SREK1IP1: variants seen among roughly 807,000 people sequenced by gnomAD.
SREK1IP1 encodes the protein SREK1 interacting protein 1, also known as protein SREK1IP1.
In SREK1IP1, 12 loss-of-function variants were observed where a neutral mutation model predicts 22.8. The observed-to-expected ratio is 0.53, with a 90% confidence interval of 0.34 to 0.85. SREK1IP1 has a LOEUF of 0.85. SREK1IP1 is among the 40% of genes least tolerant of loss of function. The probability of loss-of-function intolerance (pLI) is 0.02; values close to 1 mark genes in which losing one functional copy is unlikely to be tolerated. For synonymous variants in SREK1IP1, 53 were observed against 52.7 expected, an observed-to-expected ratio of 1.01 and a Z score of -0.02; for missense variants, 147 against 171.8, an observed-to-expected ratio of 0.86 and a Z score of 0.81.
At chr5:64,759,552 C>T (rs1305757084) in intron 1 of SREK1IP1, among the ~76,000 whole-genome samples, 1 of 152,106 alleles carries the variant, frequency 6.6e-6, no homozygotes, top group South Asian at 2.1e-4. Flanking sequence ...GCAAAAACCA[C>T]CAAAAGCAAA....
rs146837698 is a variant in SREK1IP1 at position 64,759,602 on chromosome 5, G to T, written c.14-5240C>A. 9.3e-4 allele frequency among the ~76,000 whole-genome samples: 142 copies of T among 152,110 alleles called. 2 individuals carry two copies. The East Asian group carries it at 0.026, about 28-fold the overall frequency. On this transcript the variant is annotated intron_variant, in intron 1 of 4. Coordinates refer to ENST00000513458, the MANE Select transcript of SREK1IP1 (RefSeq NM_173829.4). ...GGAAACTTGAGGAAAAAATATTTGCGCCTCATAGGACCAAAAAAGAGCAAT... is the reference window on the plus strand; with the variant it reads ...GGAAACTTGAGGAAAAAATATTTGCTCCTCATAGGACCAAAAAAGAGCAAT...
intron 3 of SREK1IP1, among the ~76,000 whole-genome samples, chr5:64,734,020 G>A (rs566638379): frequency 1.0e-3 from 156 of 152,160 alleles, no homozygotes; most frequent in African/African-American, 3.6e-3. Context: ...ATGAATGGTC[G>A]TTGTGGTGAT....
At chr5:64,737,507 CAAA>C (rs34983078) in intron 3 of SREK1IP1, among the ~76,000 whole-genome samples, 2 of 95,076 alleles carry the variant, frequency 2.1e-5, no homozygotes, top group African/African-American at 3.4e-5. Flanking sequence ...TTCATACTGT[CAAA>C]AAAAAAAAAA....
At chr5:64,767,532 T>C (rs983618878) in intron 1 of SREK1IP1, among the ~76,000 whole-genome samples, 1 of 152,172 alleles carries the variant, frequency 6.6e-6, no homozygotes, top group Non-Finnish European at 1.5e-5. Flanking sequence ...AGTGTTCCAA[T>C]AACAGCTATC....
chr5:64,737,198 T>A (rs781230046), intron 3 of SREK1IP1, among the ~76,000 whole-genome samples: 1 of 151,936 alleles, frequency 6.6e-6, no homozygotes, highest in African/African-American at 2.4e-5. Context: ...ACAAAATAAG[T>A]CTTCACAAAT....
In SREK1IP1 at chr5:64,721,059, C is replaced by A. The variant is rs546728203; in HGVS notation, c.*3325G>T. 2.0e-5 allele frequency: 3 copies of A among 152,260 alleles called. 1 individual carries two copies. The highest frequency in any genetic ancestry group is 1.9e-4 in the East Asian group (1 of 5,178). The allele number at this position is 152,260 out of a possible 1,614,324, so 9.4% of individuals were successfully genotyped here. On this transcript the variant is annotated 3_prime_UTR_variant, in exon 5 of 5. Transcript: ENST00000513458. ...CCACTCTGTCAGGAACTGCCATAACCCTCATTCTTATCCTTAATCAAATTG... is the reference window on the plus strand; with the variant it reads ...CCACTCTGTCAGGAACTGCCATAACACTCATTCTTATCCTTAATCAAATTG...
intron 2 of SREK1IP1, among the ~76,000 whole-genome samples, chr5:64,753,795 AATTTAT>A (rs1261903125): frequency 6.6e-6 from 1 of 152,206 alleles, no homozygotes; most frequent in African/African-American, 2.4e-5. Context: ...TAAAATTACA[AATTTAT>A]ATTTATAATT....
chr5:64,752,146 G>GTTTTT (rs869277379), intron 2 of SREK1IP1, among the ~76,000 whole-genome samples: 36 of 61,024 alleles, frequency 5.9e-4, no homozygotes, highest in South Asian at 1.2e-3. Context: ...TTTTTTGTGT[G>GTTTTT]TTTTTTTTTT....
At chr5:64,739,677 A>C (rs1261834479) in intron 3 of SREK1IP1, among the ~76,000 whole-genome samples, 1 of 152,018 alleles carries the variant, frequency 6.6e-6, no homozygotes, top group Non-Finnish European at 1.5e-5. Context: ...TACGTCTTTA[A>C]ATTTTTTTCT....
intron 2 of SREK1IP1, among the ~76,000 whole-genome samples, chr5:64,753,299 AAAGT>A (rs1742779740): frequency 6.6e-6 from 1 of 152,226 alleles, no homozygotes. Context: ...TGATTAAAAG[AAAGT>A]AAACAAAGTT....
rs1192614073 is a variant in SREK1IP1 at position 64,718,781 on chromosome 5, T to C, written c.*5603A>G. ...CTATTATAACACAGACCTGGTTTTG[T>C]AACAGAATTCAACAGAAAAAAAAAG... On this transcript the variant is annotated 3_prime_UTR_variant, in exon 5 of 5. Transcript: ENST00000513458. 6.6e-6 allele frequency: 1 copy of C among 152,128 alleles called. No homozygotes were observed. Among genetic ancestry groups the C allele is most frequent in the Non-Finnish European group, 1.5e-5 (1 of 68,010 alleles). The allele number at this position is 152,128 out of a possible 1,614,324, so 9.4% of individuals were successfully genotyped here. A position where few individuals can be genotyped will look rare whatever the true frequency, so the allele number is the denominator to read the frequency against.
In SREK1IP1 at chr5:64,721,733, C is replaced by T. The variant is rs1440439097; in HGVS notation, c.*2651G>A. ...ATGCATTAGGTTGTAAGAATATGAA[C>T]CAAATATCAATTATCTGCTTGAAGA... On this transcript the variant is annotated 3_prime_UTR_variant, in exon 5 of 5. Coordinates refer to ENST00000513458, the MANE Select transcript of SREK1IP1 (RefSeq NM_173829.4). 28 of 151,914 alleles carry T rather than the reference C, an allele frequency of 1.8e-4. No homozygotes were observed. Among genetic ancestry groups the T allele is most frequent in the Admixed American group, 1.8e-3 (28 of 15,258 alleles). The allele number at this position is 151,914 out of a possible 1,614,324, so 9.4% of individuals were successfully genotyped here. A position where few individuals can be genotyped will look rare whatever the true frequency, so the allele number is the denominator to read the frequency against.
intron 2 of SREK1IP1, among the ~76,000 whole-genome samples, chr5:64,752,866 G>A (rs1254149054): frequency 6.6e-6 from 1 of 152,100 alleles, no homozygotes; most frequent in Non-Finnish European, 1.5e-5. Flanking sequence ...TAATAGCTGT[G>A]GAGATGTAAA....
chr5:64,727,409 G>A (rs1379593870), intron 4 of SREK1IP1, among the ~76,000 whole-genome samples: 1 of 149,844 alleles, frequency 6.7e-6, no homozygotes, highest in Non-Finnish European at 1.5e-5. Context: ...AGGAAGTTGT[G>A]ATGCTAAAAA....
intron 3 of SREK1IP1, among the ~76,000 whole-genome samples, chr5:64,730,189 AAG>A (rs1164806214): frequency 5.3e-4 from 80 of 152,286 alleles, no homozygotes; most frequent in African/African-American, 1.9e-3. Context: ...AGGAATGTTG[AAG>A]AGAGGGGCTA....
chr5:64,744,158 T>A (rs1166096414), intron 2 of SREK1IP1, among the ~76,000 whole-genome samples: 2 of 152,016 alleles, frequency 1.3e-5, no homozygotes, highest in Non-Finnish European at 2.9e-5. Context: ...TGAACATGTG[T>A]ACAACTCCAG....
In SREK1IP1 at chr5:64,748,056, T is replaced by C. The variant is rs147844596; in HGVS notation, c.61+6259A>G. 2.8e-3 allele frequency among the ~76,000 whole-genome samples: 427 copies of C among 152,308 alleles called. 1 individual carries two copies. The highest frequency in any genetic ancestry group is 3.5e-3 in the Non-Finnish European group (238 of 68,020). On this transcript the variant is annotated intron_variant, in intron 2 of 4. Coordinates refer to ENST00000513458, the MANE Select transcript of SREK1IP1 (RefSeq NM_173829.4). ...ACAGATACTCGTACATCAACATTCA[T>C]TGCAGCACTTGTCATAATAGCTAAA... is the stretch of plus-strand genomic sequence containing the variant.
In SREK1IP1 at chr5:64,754,379, T is replaced by C. The variant is rs750218751; in HGVS notation, c.14-17A>G. The C allele has an allele frequency of 2.5e-6, 4 of 1,612,258 alleles. No homozygotes were observed. Among genetic ancestry groups the C allele is most frequent in the African/African-American group, 1.3e-5 (1 of 74,994 alleles). ...TGTTGCAACCTGAAATACAATTGGATAGAATTTTAGGAAGTAAATAAATAT... is the reference window on the plus strand; with the variant it reads ...TGTTGCAACCTGAAATACAATTGGACAGAATTTTAGGAAGTAAATAAATAT... On this transcript the variant is annotated splice_polypyrimidine_tract_variant and intron_variant, in intron 1 of 4. Transcript: ENST00000513458.
At chr5:64,725,909 G>A in intron 4 of SREK1IP1, among the ~76,000 whole-genome samples, 1 of 143,578 alleles carries the variant, frequency 7.0e-6, no homozygotes, top group African/African-American at 2.6e-5. Flanking sequence ...TTGTTGCCCA[G>A]GCTGGAGTGC....
Sources: allele counts gnomAD v4.1 joint callset (sites outside exome capture counted in the v4.1 genomes callset), GRCh38; gene constraint gnomAD v4.1.1; transcripts MANE v1.5; gene names NCBI Gene and HGNC (gene_info 2026-07-23, HGNC 2026-07-21).